LRMDA: variants seen among roughly 807,000 people sequenced by gnomAD.
LRMDA encodes the protein leucine-rich melanocyte differentiation-associated protein.
In LRMDA, 18 loss-of-function variants were observed where a neutral mutation model predicts 29.8. The ratio of observed to expected loss-of-function variants is 0.60; its 90% CI spans 0.42 to 0.90. The LOEUF is 0.90. Among genes scored for constraint, LRMDA ranks in the 40% least tolerant of loss-of-function variants. The pLI is 0.00. For missense variants in LRMDA, 273 were observed against 273.9 expected, an observed-to-expected ratio of 1.00 and a Z score of 0.02; for synonymous variants, 125 against 109.4, an observed-to-expected ratio of 1.14 and a Z score of -0.89.
At chr10:76,398,121 A>T (rs1165874642) in intron 6 of LRMDA, among the ~76,000 whole-genome samples, 1 of 152,140 alleles carries the variant, frequency 6.6e-6, no homozygotes, top group Non-Finnish European at 1.5e-5. Flanking sequence ...ATCAAAACGG[A>T]GACATTTATC....
intron 2 of LRMDA, among the ~76,000 whole-genome samples, chr10:75,993,535 C>G (rs1336749844): frequency 1.3e-5 from 2 of 152,018 alleles, no homozygotes; most frequent in Non-Finnish European, 2.9e-5. Context: ...CAGTTCAAGA[C>G]CAGCCTGGCC....
intron 3 of LRMDA, among the ~76,000 whole-genome samples, chr10:76,039,809 A>G (rs959058583): frequency 1.3e-5 from 2 of 152,208 alleles, no homozygotes; most frequent in African/African-American, 4.8e-5. Context: ...AGTATCTCAG[A>G]CATATTAGAT....
At chr10:75,941,399 G>C (rs915174135) in intron 2 of LRMDA, among the ~76,000 whole-genome samples, 3 of 152,178 alleles carry the variant, frequency 2.0e-5, no homozygotes, top group African/African-American at 7.2e-5. Context: ...TTTTAATTTA[G>C]AAAGAGAACA....
intron 5 of LRMDA, among the ~76,000 whole-genome samples, chr10:76,109,947 C>T (rs945072816): frequency 6.6e-6 from 1 of 152,132 alleles, no homozygotes. Flanking sequence ...GGGACTCAGC[C>T]CAAGGACCTC....
intron 2 of LRMDA, among the ~76,000 whole-genome samples, chr10:75,551,913 C>G (rs1407146178): frequency 2.0e-5 from 3 of 151,752 alleles, no homozygotes; most frequent in Non-Finnish European, 4.4e-5. Flanking sequence ...TGTGGTGGCT[C>G]AAACCTGTAG....
At position 75,996,834 on chromosome 10, in the gene LRMDA, G is replaced by A. The variant is rs1221595577; in HGVS notation, c.132-39174G>A. On this transcript the variant is annotated intron_variant, in intron 2 of 6. Transcript: ENST00000611255. The stretch of plus-strand genomic sequence containing the variant: ...TGCAAGCTCCGCCTCCTGGGTTCAC[G>A]CCATTCTCCTGCCTCAGCCTCCCGA... Among the ~76,000 whole-genome samples, 5 of 151,164 alleles carry A rather than the reference G, an allele frequency of 3.3e-5. No homozygotes were observed. The East Asian group carries it at 9.8e-4, about 30-fold the overall frequency.
chr10:75,787,724 T>G, intron 2 of LRMDA, among the ~76,000 whole-genome samples: 1 of 152,332 alleles, frequency 6.6e-6, no homozygotes, highest in African/African-American at 2.4e-5. Context: ...TTTTAAGTAG[T>G]GTGTAATAGA....
intron 5 of LRMDA, among the ~76,000 whole-genome samples, chr10:76,212,907 A>G (rs751095653): frequency 6.6e-6 from 1 of 152,230 alleles, no homozygotes; most frequent in Non-Finnish European, 1.5e-5. Flanking sequence ...GGCAATGTCC[A>G]TAAATTCAGT....
intron 6 of LRMDA, among the ~76,000 whole-genome samples, chr10:76,432,898 C>A (rs771575849): frequency 3.3e-5 from 5 of 152,176 alleles, no homozygotes; most frequent in Non-Finnish European, 7.3e-5. Context: ...GACTATAGCA[C>A]TAGCATGTGG....
chr10:75,823,163 A>G (rs1477605187), intron 2 of LRMDA, among the ~76,000 whole-genome samples: 2 of 152,172 alleles, frequency 1.3e-5, no homozygotes, highest in Non-Finnish European at 2.9e-5. Flanking sequence ...GAAACAATCA[A>G]CACAGTAAAA....
In LRMDA at chr10:75,469,257, G is replaced by A. The variant is rs1463688587; in HGVS notation, c.131+30763G>A. On this transcript the variant is annotated intron_variant, in intron 2 of 6. Coordinates refer to ENST00000611255, the MANE Select transcript of LRMDA (RefSeq NM_001305581.2). Reference sequence around the variant, plus strand: ...TGTTGCCCAAGCAGATCCTGTGAGAGGAAAATGGCTTTTATAGAGAGCATG... The same window carrying A: ...TGTTGCCCAAGCAGATCCTGTGAGAAGAAAATGGCTTTTATAGAGAGCATG... 2.0e-5 allele frequency among the ~76,000 whole-genome samples: 3 copies of A among 147,364 alleles called. No homozygotes were observed. The East Asian group carries it at 6.3e-4, about 31-fold the overall frequency.
chr10:76,246,924 T>C (rs1030158084), intron 5 of LRMDA, among the ~76,000 whole-genome samples: 5 of 152,192 alleles, frequency 3.3e-5, no homozygotes, highest in African/African-American at 4.8e-5. Context: ...CCAGGTCAGG[T>C]CTTGGAGAGT....
At chr10:76,070,979 G>A (rs1023330677) in intron 5 of LRMDA, among the ~76,000 whole-genome samples, 3 of 152,196 alleles carry the variant, frequency 2.0e-5, no homozygotes, top group African/African-American at 7.2e-5. Context: ...AGGTGCAGCT[G>A]CCCTCTGGAC....
chr10:76,404,750 A>G (rs1174199155), intron 6 of LRMDA, among the ~76,000 whole-genome samples: 2 of 152,064 alleles, frequency 1.3e-5, no homozygotes, highest in Admixed American at 6.5e-5. Context: ...CACTTTTGAC[A>G]CTCTTAAAGG....
At position 75,505,033 on chromosome 10, in the gene LRMDA, T is replaced by G. The variant is rs1373306889; in HGVS notation, c.131+66539T>G. ...TGATACAGATTAACATCAGAAGAAC[T>G]AGGTGAGAGATAGGTTATGGGAAAG... On this transcript the variant is annotated intron_variant, in intron 2 of 6. Transcript: ENST00000611255. Among the ~76,000 whole-genome samples the G allele has an allele frequency of 2.6e-5, 4 of 152,092 alleles. No homozygotes were observed. The East Asian group carries it at 5.8e-4, about 22-fold the overall frequency.
At chr10:76,313,526 T>C (rs1478111335) in intron 5 of LRMDA, among the ~76,000 whole-genome samples, 3 of 152,164 alleles carry the variant, frequency 2.0e-5, no homozygotes, top group African/African-American at 7.2e-5. Context: ...AACAGAATCC[T>C]TGAAGCTTAG....
At chr10:75,554,637 A>G (rs1410666019) in intron 2 of LRMDA, among the ~76,000 whole-genome samples, 2 of 152,218 alleles carry the variant, frequency 1.3e-5, no homozygotes, top group Non-Finnish European at 2.9e-5. Context: ...AATCTAAGAA[A>G]GAACTTGCCA....
intron 5 of LRMDA, among the ~76,000 whole-genome samples, chr10:76,315,506 G>C (rs962504931): frequency 1.3e-5 from 2 of 152,246 alleles, no homozygotes; most frequent in African/African-American, 4.8e-5. Flanking sequence ...CCCGAGGGCT[G>C]TCGTGACTCA....
chr10:75,876,219 G>T (rs1300989932), intron 2 of LRMDA, among the ~76,000 whole-genome samples: 1 of 152,238 alleles, frequency 6.6e-6, no homozygotes, highest in Non-Finnish European at 1.5e-5. Flanking sequence ...GTGTCCTGGG[G>T]AGCTGGCTAA....
Sources: allele counts gnomAD v4.1 joint callset (sites outside exome capture counted in the v4.1 genomes callset), GRCh38; gene constraint gnomAD v4.1.1; transcripts MANE v1.5; gene names NCBI Gene and HGNC (gene_info 2026-07-23, HGNC 2026-07-21).